The following CROCC variants were observed in gnomAD, a reference collection of about 807,000 sequenced individuals.
CROCC encodes ciliary rootlet coiled-coil, rootletin.
A neutral mutation model predicts 245.2 loss-of-function variants in CROCC; 180 were observed. The ratio of observed to expected loss-of-function variants is 0.73; its 90% CI spans 0.65 to 0.83. The LOEUF (loss-of-function observed/expected upper bound fraction) is 0.83, where lower values mean the gene tolerates loss of function less well. Among genes scored for constraint, CROCC ranks in the 40% least tolerant of loss-of-function variants. The pLI is 0.00. For missense variants in CROCC, 2,688 were observed against 2,779.4 expected, an observed-to-expected ratio of 0.97 and a Z score of 0.74; for synonymous variants, 1,205 against 1,241.6, an observed-to-expected ratio of 0.97 and a Z score of 0.62.
At position 16,921,995 on chromosome 1, in the gene CROCC, A is replaced by C; in HGVS notation, c.-24A>C. 6.5e-7 allele frequency: 1 copy of C among 1,546,640 alleles called. No individual in the cohort carries two copies. The highest frequency in any genetic ancestry group is 8.7e-7 in the Non-Finnish European group (1 of 1,142,972). ...TTGGGGTCCTGGAGAAGGGGGCTGG[A>C]GGCATGCCCACAGCCTCCCCCCCAT... On this transcript the variant is annotated 5_prime_UTR_variant, in exon 1 of 37. Coordinates refer to ENST00000375541, the MANE Select transcript of CROCC (RefSeq NM_014675.5).
Position 16,960,874 on chromosome 1 carries a change from C to A in CROCC, c.4149C>A (p.His1383Gln). ...ARGTEKQQLD[H>Q]ARGLELKLEA... ...GCACTGAAAAGCAGCAGCTGGACCACGCCCGCGGCCTGGAGCTGAAGCTGG... is the reference window on the plus strand; with the variant it reads ...GCACTGAAAAGCAGCAGCTGGACCAAGCCCGCGGCCTGGAGCTGAAGCTGG... Residue 1383 changes from histidine to glutamine, a missense_variant, in exon 27 of 37, where the codon CAC becomes CAA. His to Gln is a conservative substitution (Grantham distance 24). Transcript: ENST00000375541. 1 of 1,515,186 alleles carries A rather than the reference C, an allele frequency of 6.6e-7. No individual in the cohort carries two copies. Among genetic ancestry groups the A allele is most frequent in the Non-Finnish European group, 8.8e-7 (1 of 1,138,238 alleles). 93.9% of individuals were successfully genotyped at this position (1,515,186 alleles called of 1,614,324 possible).
At position 16,969,778 on chromosome 1, in the gene CROCC, C is replaced by G; in HGVS notation, c.5302-7C>G. 1.9e-6 allele frequency: 3 copies of G among 1,611,314 alleles called. No individual in the cohort carries two copies. Among genetic ancestry groups the G allele is most frequent in the African/African-American group, 1.3e-5 (1 of 75,016 alleles). On this transcript the variant is annotated splice_polypyrimidine_tract_variant and splice_region_variant and intron_variant, in intron 32 of 36. Transcript: ENST00000375541. The stretch of plus-strand genomic sequence containing the variant: ...CCAGCCAGGCACCATCAGCCCCTGT[C>G]CCCCAGGAACGGCTGGATGCCGCCC...
chr1:16,963,733 C>T (rs1431384002), intron 27 of CROCC, among the ~76,000 whole-genome samples: 1 of 151,754 alleles, frequency 6.6e-6, no homozygotes, highest in Admixed American at 6.6e-5. Flanking sequence ...GCCAGGGAGT[C>T]GGGCTGCCTG....
chr1:16,955,735 C>T (rs1283768101), intron 24 of CROCC, among the ~76,000 whole-genome samples, 185 bp downstream of exon 24: 2 of 152,100 alleles, frequency 1.3e-5, no homozygotes, highest in Non-Finnish European at 1.5e-5. Context: ...GGCAGAGGGG[C>T]AGTGGGCAGC....
At chr1:16,928,086 A>G (rs2075577036) in intron 3 of CROCC, among the ~76,000 whole-genome samples, 2 of 152,288 alleles carry the variant, frequency 1.3e-5, no homozygotes, top group Non-Finnish European at 2.9e-5. Flanking sequence ...AGCGTGGGTG[A>G]GAGCAGCTGC....
At position 16,936,625 on chromosome 1, in the gene CROCC, T is replaced by C. The variant is rs758865194; in HGVS notation, c.957-12T>C. ...AGCCCCATCCATCCCCAGCCTGTGCTCTCTCCCGAAGGGACCTGCTGCAGC... is the reference window on the plus strand; with the variant it reads ...AGCCCCATCCATCCCCAGCCTGTGCCCTCTCCCGAAGGGACCTGCTGCAGC... On this transcript the variant is annotated splice_polypyrimidine_tract_variant and intron_variant, in intron 8 of 36. Transcript: ENST00000375541. 2.5e-6 allele frequency: 4 copies of C among 1,572,644 alleles called. No homozygotes were observed. Among genetic ancestry groups the C allele is most frequent in the Middle Eastern group, 1.7e-4 (1 of 5,954 alleles).
At chr1:16,947,829 GT>G (rs1489369721) in intron 17 of CROCC, among the ~76,000 whole-genome samples, 11 of 152,176 alleles carry the variant, frequency 7.2e-5, no homozygotes, top group South Asian at 4.1e-4. Flanking sequence ...GTTTCATTTT[GT>G]TTTGTTTTTG....
Position 16,951,106 on chromosome 1 carries a change from G to C in CROCC, c.2990G>C (p.Arg997Pro). 6.4e-7 allele frequency: 1 copy of C among 1,555,590 alleles called. No homozygotes were observed. Among genetic ancestry groups the C allele is most frequent in the Non-Finnish European group, 8.7e-7 (1 of 1,152,116 alleles). The change falls in exon 20 of 37, where the codon CGA becomes CCA. Residue 997 changes from arginine (R) to proline (P), a missense_variant. Transcript: ENST00000375541. ...QRAAHEEDLQ[R>P]LQREKEAAWR... ...GCAGCTCACGAGGAGGACTTACAGC[G>C]ACTCCAGCGTGAAAAGGTTCAGGCA...
At chr1:16,918,514 A>C (rs2075336656), upstream of CROCC, among the ~76,000 whole-genome samples, 2 of 152,186 alleles carry the variant, frequency 1.3e-5, no homozygotes, top group South Asian at 4.1e-4. Context: ...GAAGGCACAG[A>C]ATAATCCAGT....
intron 27 of CROCC, among the ~76,000 whole-genome samples, chr1:16,964,926 C>T (rs920898062): frequency 1.3e-5 from 2 of 152,242 alleles, no homozygotes; most frequent in Non-Finnish European, 2.9e-5. Flanking sequence ...GGTGATCCAC[C>T]TGCCTTGGCC....
rs752935786 is a variant in CROCC, at chr1:16,940,092, A to T, written c.1807A>T (p.Arg603Trp). The change falls in exon 13 of 37, where the codon AGG becomes TGG. Residue 603 changes from arginine to tryptophan, a missense_variant and splice_region_variant. Physicochemically the swap from Arg to Trp is moderately radical, Grantham distance 101. Coordinates refer to ENST00000375541, the MANE Select transcript of CROCC (RefSeq NM_014675.5). Reference protein sequence around the residue: ...RLRSANELLSREKSNLAHSLQ... With the variant: ...RLRSANELLSWEKSNLAHSLQ... The stretch of plus-strand genomic sequence containing the variant: ...GCGGAGCGCCAACGAGCTCCTGAGC[A>T]GGTGCCGGGGAGGTCTGAGCTGGGG... The T allele has an allele frequency of 2.5e-6, 4 of 1,600,430 alleles. No individual in the cohort carries two copies. In the African/African-American group the frequency reaches 5.4e-5, roughly 21 times the overall value.
At chr1:16,960,276 C>T (rs1187141483) in intron 26 of CROCC, among the ~76,000 whole-genome samples, 1 of 151,974 alleles carries the variant, frequency 6.6e-6, no homozygotes, top group Non-Finnish European at 1.5e-5. Flanking sequence ...CAAAAACAAA[C>T]AAACAAAAAC....
rs754170078 is a variant in CROCC at position 16,931,397 on chromosome 1, G to A, written c.956G>A (p.Arg319Lys). The A allele has an allele frequency of 1.2e-6, 2 of 1,609,754 alleles. No individual in the cohort carries two copies. Among genetic ancestry groups the A allele is most frequent in the Admixed American group, 3.3e-5 (2 of 59,906 alleles). The change falls in exon 8 of 37, where the codon AGG becomes AAG. Residue 319 changes from arginine (R) to lysine (K), a missense_variant and splice_region_variant. Around this residue, in one of 9 missense-constraint regions of CROCC, gnomAD observed 972 missense variants for 895.3 expected, o/e 1.09. Transcript: ENST00000375541. Reference protein sequence around the residue: ...LVSEVKMFTERDLLQLGGELA... With the variant: ...LVSEVKMFTEKDLLQLGGELA... ...AGCGAGGTGAAGATGTTCACTGAGA[G>A]GTGAGGCCTGGCCGGGGACGGGGCA...
intron 8 of CROCC, among the ~76,000 whole-genome samples, chr1:16,931,782 G>A (rs2075682859): frequency 6.6e-6 from 1 of 152,176 alleles, no homozygotes; most frequent in Non-Finnish European, 1.5e-5. Context: ...TTCTCAGACG[G>A]AGTCTTGCTC....
At chr1:16,963,095 A>G (rs991964607) in intron 27 of CROCC, among the ~76,000 whole-genome samples, 7 of 151,506 alleles carry the variant, frequency 4.6e-5, no homozygotes, top group African/African-American at 1.7e-4. Context: ...AGGCAGGAGA[A>G]TCTCTTGAAA....
chr1:16,916,884 G>A (rs1229179537), intron 1 of CROCC, among the ~76,000 whole-genome samples: 547 of 152,138 alleles, frequency 3.6e-3, no homozygotes, highest in African/African-American at 0.012. Flanking sequence ...TTGAGAGGCC[G>A]AGGCGGGTAG....
chr1:16,959,474 C>T (rs2076296315), intron 26 of CROCC, among the ~76,000 whole-genome samples: 2 of 152,216 alleles, frequency 1.3e-5, no homozygotes, highest in African/African-American at 4.8e-5. Context: ...GTTGTGTGGC[C>T]TGAACCAAGT....
chr1:16,965,911 G>C lies in CROCC; in HGVS notation c.4575+19G>C, dbSNP rs768417551. On this transcript the variant is annotated intron_variant, in intron 28 of 36. Coordinates refer to ENST00000375541, the MANE Select transcript of CROCC (RefSeq NM_014675.5). ...AGAACGGGTAAGCCTGGGTGTGCATGGCTGGATGGGGAACCTGGAGGGCCC... is the reference window on the plus strand; with the variant it reads ...AGAACGGGTAAGCCTGGGTGTGCATCGCTGGATGGGGAACCTGGAGGGCCC... 1 of 1,607,276 alleles carries C rather than the reference G, an allele frequency of 6.2e-7. No individual in the cohort carries two copies. Among genetic ancestry groups the C allele is most frequent in the African/African-American group, 1.3e-5 (1 of 74,812 alleles).
At position 16,929,955 on chromosome 1, in the gene CROCC, C is replaced by T; in HGVS notation, c.461C>T (p.Ser154Phe). 3 of 1,586,028 alleles carry T rather than the reference C, an allele frequency of 1.9e-6. No individual in the cohort carries two copies. The highest frequency in any genetic ancestry group is 2.6e-6 in the Non-Finnish European group (3 of 1,169,530). Residue 154 changes from serine (S) to phenylalanine (F), a missense_variant, in exon 4 of 37, where the codon TCC becomes TTC. Physicochemically the swap from Ser to Phe is radical, Grantham distance 155. This residue lies in a region of CROCC where 972 missense variants were observed against 895.3 expected (regional missense o/e 1.09). Transcript: ENST00000375541. Reference protein sequence around the residue: ...LRRQLQEEQASYRRKLQAYQE... With the variant: ...LRRQLQEEQAFYRRKLQAYQE... Reference sequence around the variant, plus strand: ...AGGCAGCTGCAGGAGGAGCAGGCCTCCTACCGGCGCAAGCTGCAGGCCTAC... The same window carrying T: ...AGGCAGCTGCAGGAGGAGCAGGCCTTCTACCGGCGCAAGCTGCAGGCCTAC...
Sources: allele counts gnomAD v4.1 joint callset (sites outside exome capture counted in the v4.1 genomes callset), GRCh38; gene constraint gnomAD v4.1.1; regional missense constraint gnomAD v4.1.1; transcripts MANE v1.5; gene names NCBI Gene and HGNC (gene_info 2026-07-23, HGNC 2026-07-21).